PARD3B: variants seen among roughly 807,000 people sequenced by gnomAD.
PARD3B encodes the protein par-3 family cell polarity regulator beta, also known as partitioning defective 3 homolog B.
In PARD3B, 103 loss-of-function variants were observed where a neutral mutation model predicts 130.2. The ratio of observed to expected loss-of-function variants is 0.79; its 90% CI spans 0.67 to 0.93. The LOEUF (loss-of-function observed/expected upper bound fraction) is 0.93, where lower values mean the gene tolerates loss of function less well. Ranked by LOEUF, PARD3B falls within the 40% of genes least tolerant of loss-of-function variation. PARD3B has a pLI of 0.00. For synonymous variants in PARD3B, 583 were observed against 553.2 expected (o/e 1.05, Z -0.76); for missense variants, 1,609 against 1,499.2 (o/e 1.07, Z -1.21).
intron 1 of PARD3B, among the ~76,000 whole-genome samples, chr2:204,561,572 C>T (rs1439133321): frequency 6.6e-6 from 1 of 151,714 alleles, no homozygotes; most frequent in Non-Finnish European, 1.5e-5. Flanking sequence ...CAGCTCTAGC[C>T]CTATGTACTC....
chr2:204,853,399 G>C (rs549125361), intron 2 of PARD3B, among the ~76,000 whole-genome samples: 1 of 152,318 alleles, frequency 6.6e-6, no homozygotes, highest in South Asian at 2.1e-4. Flanking sequence ...GATGAAGCCT[G>C]AATGTGTGAA....
At chr2:205,316,993 C>A (rs565633861) in intron 18 of PARD3B, among the ~76,000 whole-genome samples, 1 of 152,248 alleles carries the variant, frequency 6.6e-6, no homozygotes, top group Non-Finnish European at 1.5e-5. Flanking sequence ...CCACAGTGAA[C>A]AAGACAGATG....
intron 1 of PARD3B, among the ~76,000 whole-genome samples, chr2:204,597,501 G>A (rs947534387): frequency 5.9e-5 from 9 of 152,182 alleles, no homozygotes; most frequent in Admixed American, 3.3e-4. Flanking sequence ...GCAATTGTTT[G>A]CATAATATTC....
chr2:204,638,922 T>A (rs2034981461), intron 1 of PARD3B, among the ~76,000 whole-genome samples: 1 of 152,204 alleles, frequency 6.6e-6, no homozygotes, highest in Non-Finnish European at 1.5e-5. Flanking sequence ...TGGCCAAGTA[T>A]CCAGCCCTGG....
chr2:205,283,076 A>G (rs2041253456), intron 16 of PARD3B, among the ~76,000 whole-genome samples: 1 of 152,238 alleles, frequency 6.6e-6, no homozygotes, highest in Non-Finnish European at 1.5e-5. Flanking sequence ...CCAGAGTAAG[A>G]AAGTGTATAA....
rs1487597594 is a variant in PARD3B, at chr2:205,276,307, A to G, written c.2186-24223A>G. On this transcript the variant is annotated intron_variant, in intron 16 of 22. Transcript: ENST00000406610. The surrounding 1 kb of genome is among the most constrained non-coding windows in gnomAD (Gnocchi z 5.0). ...TGCTGACAGCCTTGGCAAACAACCT[A>G]GAGAGAAAATATGTCTTCTGAAAAG... Among the ~76,000 whole-genome samples, 1 of 152,240 alleles carries G rather than the reference A, an allele frequency of 6.6e-6. No homozygotes were observed. The highest frequency in any genetic ancestry group is 1.5e-5 in the Non-Finnish European group (1 of 68,032).
chr2:205,189,943 T>C (rs181888522), intron 14 of PARD3B, among the ~76,000 whole-genome samples: 2 of 152,348 alleles, frequency 1.3e-5, no homozygotes, highest in East Asian at 3.9e-4. Context: ...TATATGTGTA[T>C]GTATATAGAT....
intron 19 of PARD3B, among the ~76,000 whole-genome samples, chr2:205,425,471 C>T (rs771464073): frequency 6.6e-6 from 1 of 150,498 alleles, no homozygotes; most frequent in Non-Finnish European, 1.5e-5. Flanking sequence ...AGGATCTTGC[C>T]ATTTGGCATT....
intron 6 of PARD3B, among the ~76,000 whole-genome samples, chr2:205,117,387 G>A (rs2029949077): frequency 6.6e-6 from 1 of 152,196 alleles, no homozygotes; most frequent in Non-Finnish European, 1.5e-5. Context: ...TCTTTCTCCT[G>A]CAGCAGCGTG....
In PARD3B at chr2:204,677,062, C is replaced by A. The variant is rs1273476460; in HGVS notation, c.121-9119C>A. On this transcript the variant is annotated intron_variant, in intron 1 of 22. Transcript: ENST00000406610. The surrounding 1 kb of genome is among the most constrained non-coding windows in gnomAD (Gnocchi z 4.1). Reference sequence around the variant, plus strand: ...TAGAACAGCACAGAAAAAGCCAAATCTCTCTTTTATGTGGAAGGCTTTTAG... The same window carrying A: ...TAGAACAGCACAGAAAAAGCCAAATATCTCTTTTATGTGGAAGGCTTTTAG... Among the ~76,000 whole-genome samples, 1 of 152,164 alleles carries A rather than the reference C, an allele frequency of 6.6e-6. No individual in the cohort carries two copies. Among genetic ancestry groups the A allele is most frequent in the Non-Finnish European group, 1.5e-5 (1 of 68,042 alleles).
chr2:205,202,425 A>G (rs985861641), intron 15 of PARD3B, among the ~76,000 whole-genome samples: 2 of 152,212 alleles, frequency 1.3e-5, no homozygotes, highest in African/African-American at 2.4e-5. Context: ...ACTTTCAAGA[A>G]GAATTTGACT....
At chr2:204,548,792 C>T (rs779085476) in intron 1 of PARD3B, among the ~76,000 whole-genome samples, 5 of 152,084 alleles carry the variant, frequency 3.3e-5, no homozygotes, top group Non-Finnish European at 7.4e-5. Context: ...TGCAAATCAA[C>T]TATGAAAAAT....
chr2:205,227,317 C>A (rs2038608610), intron 15 of PARD3B, among the ~76,000 whole-genome samples: 1 of 152,056 alleles, frequency 6.6e-6, no homozygotes. Flanking sequence ...ATCTCTCTGC[C>A]TCTTTAGCTT....
At chr2:205,476,778 T>C (rs1427125249) in intron 20 of PARD3B, among the ~76,000 whole-genome samples, 1 of 152,200 alleles carries the variant, frequency 6.6e-6, no homozygotes, top group African/African-American at 2.4e-5. Flanking sequence ...CTTATAAGTG[T>C]TAATCACTTA....
At chr2:205,439,072 A>G (rs2047620345) in intron 19 of PARD3B, among the ~76,000 whole-genome samples, 1 of 152,188 alleles carries the variant, frequency 6.6e-6, no homozygotes, top group African/African-American at 2.4e-5. Flanking sequence ...ACCTCAGAAA[A>G]TCCTGCGTTC....
At chr2:204,831,738 C>T (rs2043829477) in intron 2 of PARD3B, among the ~76,000 whole-genome samples, 2 of 152,124 alleles carry the variant, frequency 1.3e-5, no homozygotes, top group African/African-American at 4.8e-5. Context: ...CTACTTTGCA[C>T]TAATAGGATA....
intron 16 of PARD3B, among the ~76,000 whole-genome samples, chr2:205,257,731 A>T (rs892012432): frequency 2.0e-5 from 3 of 152,224 alleles, no homozygotes; most frequent in Non-Finnish European, 4.4e-5. Context: ...AAAATGCTAT[A>T]TGAAAATGGC....
chr2:205,075,542 CT>C, intron 4 of PARD3B, among the ~76,000 whole-genome samples: 1 of 151,878 alleles, frequency 6.6e-6, no homozygotes. Context: ...TAAAATTCAA[CT>C]TGTCTTCAAG....
chr2:205,466,033 G>A (rs2048609676), intron 20 of PARD3B, among the ~76,000 whole-genome samples: 1 of 152,122 alleles, frequency 6.6e-6, no homozygotes, highest in African/African-American at 2.4e-5. Flanking sequence ...GTTTCAAACG[G>A]ATGCATTCAA....
Sources: gnomAD v4.1 joint callset for allele counts (sites outside exome capture counted in the v4.1 genomes callset) on GRCh38, gnomAD v4.1.1 for gene constraint, Gnocchi (gnomAD v3.1) non-coding constraint, MANE v1.5 for transcripts, NCBI Gene and HGNC (gene_info 2026-07-23, HGNC 2026-07-21) for gene names.